Variants in ZNF682 observed in about 807,000 individuals in gnomAD.
The protein encoded by ZNF682 is zinc finger protein 682.
Under a neutral mutation model 36.5 loss-of-function variants are expected in ZNF682, and 29 were observed. The observed-to-expected ratio is 0.80, with a 90% CI of 0.59 to 1.08. The LOEUF (loss-of-function observed/expected upper bound fraction) is 1.08. ZNF682 is among the 50% of genes least tolerant of loss of function. The pLI, the probability that ZNF682 is intolerant of heterozygous loss-of-function variation, is 0.00. For synonymous variants in ZNF682, 180 were observed against 197.0 expected (o/e 0.91, Z 0.72); for missense variants, 561 against 579.7 (o/e 0.97, Z 0.33).
intron 1 of ZNF682, 79 bp from the exon 2 acceptor site, chr19:20,024,455 G>A (rs565827361): frequency 1.4e-6 from 2 of 1,480,658 alleles, no homozygotes; most frequent in East Asian, 2.3e-5. Context: ...GAGAATTGCT[G>A]TGACTTATGA....
chr19:20,006,063 G>C lies in ZNF682; in HGVS notation c.1439C>G (p.Ser480Cys). ...TTCCCCACATTTTTTATACTTGCAGGATTTCTCTCCTCTTTGAACTCTCTT... is the reference window on the plus strand; with the variant it reads ...TTCCCCACATTTTTTATACTTGCAGCATTTCTCTCCTCTTTGAACTCTCTT... ...EHKRVQRGEKSCKYKKCGEAF... is the reference protein window; with the variant it reads ...EHKRVQRGEKCCKYKKCGEAF... Residue 480 changes from serine (S) to cysteine (C), a missense_variant, in exon 4 of 4, where the codon TCC becomes TGC. Transcript: ENST00000397165. 1 of 1,610,276 alleles carries C rather than the reference G, an allele frequency of 6.2e-7. No individual in the cohort carries two copies. The highest frequency in any genetic ancestry group is 8.5e-7 in the Non-Finnish European group (1 of 1,177,706).
At chr19:20,025,305 C>T (rs767650153) in intron 1 of ZNF682, among the ~76,000 whole-genome samples, 2 of 152,000 alleles carry the variant, frequency 1.3e-5, no homozygotes, top group East Asian at 1.9e-4. Flanking sequence ...AAGGTACTTA[C>T]GAATAATAAA....
At chr19:20,008,207 C>T (rs1305945844) in intron 3 of ZNF682, 2 of 152,288 alleles carry the variant, frequency 1.3e-5, no homozygotes, top group Non-Finnish European at 2.9e-5. Context: ...GATCATGAGC[C>T]AGCATGGGAG....
downstream of ZNF682, among the ~76,000 whole-genome samples, chr19:20,002,388 C>A (rs1370895708): frequency 1.3e-5 from 2 of 152,110 alleles, no homozygotes; most frequent in Non-Finnish European, 2.9e-5. Flanking sequence ...GTCCTTCACA[C>A]AGACATAACA....
At chr19:20,017,670 GAAAAT>G (rs1321668855) in intron 3 of ZNF682, among the ~76,000 whole-genome samples, 1 of 151,994 alleles carries the variant, frequency 6.6e-6, no homozygotes, top group Non-Finnish European at 1.5e-5. Flanking sequence ...AGATCAATAA[GAAAAT>G]AAAAAACTTA....
At chr19:20,033,267 C>T (rs913912853) in intron 1 of ZNF682, among the ~76,000 whole-genome samples, 10 of 151,014 alleles carry the variant, frequency 6.6e-5, no homozygotes, top group African/African-American at 2.4e-4. Context: ...AGGGAGACTC[C>T]GTCTCAAAAA....
At chr19:20,039,227 C>T (rs928763986) in intron 1 of ZNF682, 116 bp downstream of exon 1, 25 of 1,514,112 alleles carry the variant, frequency 1.7e-5, no homozygotes, top group Non-Finnish European at 2.1e-5. Flanking sequence ...GCCGGGGACT[C>T]CAGTCCGCAG....
At chr19:19,996,306 A>G (rs186316367), downstream of ZNF682, among the ~76,000 whole-genome samples, 8 of 152,352 alleles carry the variant, frequency 5.3e-5, no homozygotes, top group African/African-American at 1.4e-4. Flanking sequence ...GTTATCTACC[A>G]TTTGTTCCAG....
chr19:20,021,444 A>AC (rs2088382923), intron 3 of ZNF682, among the ~76,000 whole-genome samples: 1 of 151,740 alleles, frequency 6.6e-6, no homozygotes, highest in Non-Finnish European at 1.5e-5. Context: ...AGATTGCGCC[A>AC]CTGCACTCCA....
chr19:20,020,764 T>C (rs1252923481), intron 3 of ZNF682, among the ~76,000 whole-genome samples: 1 of 152,076 alleles, frequency 6.6e-6, no homozygotes, highest in Non-Finnish European at 1.5e-5. Flanking sequence ...TTCAACAACA[T>C]GGATGGACCT....
intron 3 of ZNF682, among the ~76,000 whole-genome samples, chr19:20,018,194 C>A (rs1409406006): frequency 3.5e-5 from 5 of 142,462 alleles, no homozygotes; most frequent in African/African-American, 1.3e-4. Context: ...CCCGGGTTCA[C>A]GCCATTCTCC....
downstream of ZNF682, among the ~76,000 whole-genome samples, chr19:19,995,324 T>C (rs990646282): frequency 2.0e-5 from 3 of 152,192 alleles, no homozygotes; most frequent in Non-Finnish European, 4.4e-5. Flanking sequence ...AGAAACAACC[T>C]GGGCTCCAGA....
intron 1 of ZNF682, 53 bp downstream of exon 1, chr19:20,039,290 C>A: frequency 6.2e-7 from 1 of 1,606,268 alleles, no homozygotes; most frequent in Non-Finnish European, 8.5e-7. Flanking sequence ...CGGTTCCGGC[C>A]GGTTTCAACC....
chr19:20,024,756 T>G (rs754403562), intron 1 of ZNF682, among the ~76,000 whole-genome samples: 7 of 152,288 alleles, frequency 4.6e-5, no homozygotes, highest in African/African-American at 9.6e-5. Context: ...GAGAATCACT[T>G]GAACTCAGGA....
At chr19:20,009,835 T>A (rs1396721301) in intron 3 of ZNF682, among the ~76,000 whole-genome samples, 1 of 151,932 alleles carries the variant, frequency 6.6e-6, no homozygotes. Context: ...ACCCTGGGCA[T>A]CATGGTGAAA....
intron 3 of ZNF682, among the ~76,000 whole-genome samples, chr19:20,018,094 T>C (rs1426433429): frequency 1.7e-5 from 2 of 114,358 alleles, no homozygotes; most frequent in African/African-American, 7.0e-5. Context: ...TTTTTTTTTT[T>C]TTTTTTTTTT....
chr19:20,025,521 C>T (rs1294225568), intron 1 of ZNF682, among the ~76,000 whole-genome samples: 1 of 151,594 alleles, frequency 6.6e-6, no homozygotes, highest in Non-Finnish European at 1.5e-5. Context: ...ACTAAAAATA[C>T]AAAAAATTAG....
At position 20,006,752 on chromosome 19, in the gene ZNF682, G is replaced by C. The variant is rs766998198; in HGVS notation, c.750C>G (p.Ile250Met). 6.2e-7 allele frequency: 1 copy of C among 1,612,398 alleles called. No individual in the cohort carries two copies. Among genetic ancestry groups the C allele is most frequent in the Non-Finnish European group, 8.5e-7 (1 of 1,179,540 alleles). ...WCSSLTKHKRIHTGEKPYKCE... is the reference protein window; with the variant it reads ...WCSSLTKHKRMHTGEKPYKCE... ...ATTTGTAGGGTTTCTCACCAGTATG[G>C]ATTCTCTTATGTTTAGTAAGACTCG... The change falls in exon 4 of 4, where the codon ATC becomes ATG. Residue 250 changes from isoleucine (I) to methionine (M), a missense_variant. Coordinates refer to ENST00000397165, the MANE Select transcript of ZNF682 (RefSeq NM_033196.3).
rs370628112 is a variant in ZNF682 at position 20,022,985 on chromosome 19, T to C, written c.226+19A>G. 6.2e-6 allele frequency: 10 copies of C among 1,608,070 alleles called. No individual in the cohort carries two copies. The African/African-American group carries it at 1.3e-4, about 22-fold the overall frequency. On this transcript the variant is annotated intron_variant, in intron 3 of 3. Coordinates refer to ENST00000397165, the MANE Select transcript of ZNF682 (RefSeq NM_033196.3). ...TTGGAGCTTTCACCTGTGGCATGTG[T>C]TTCATTCATCCAACCTACCTGGGGG...
Sources: gnomAD v4.1 joint callset for allele counts (sites outside exome capture counted in the v4.1 genomes callset) on GRCh38, gnomAD v4.1.1 for gene constraint, MANE v1.5 for transcripts, NCBI Gene and HGNC (gene_info 2026-07-23, HGNC 2026-07-21) for gene names.